The following GRHL2 variants were observed in gnomAD, a reference collection of about 807,000 sequenced individuals.
GRHL2 encodes grainyhead-like protein 2 homolog.
Under a neutral mutation model 83.8 loss-of-function variants are expected in GRHL2, and 21 were observed. The ratio of observed to expected loss-of-function variants is 0.25; its 90% confidence interval spans 0.18 to 0.36. GRHL2 has a LOEUF of 0.36. GRHL2 is among the 10% of genes least tolerant of loss of function. The pLI, the probability that GRHL2 is intolerant of heterozygous loss-of-function variation, is 1.00. For missense variants in GRHL2, 623 were observed against 781.8 expected, an observed-to-expected ratio of 0.80 and a Z score of 2.42; for synonymous variants, 280 against 278.9, an observed-to-expected ratio of 1.00 and a Z score of -0.04.
chr8:101,530,101 C>T (rs892379025), intron 1 of GRHL2, among the ~76,000 whole-genome samples: 2 of 152,156 alleles, frequency 1.3e-5, no homozygotes, highest in Admixed American at 6.5e-5. Context: ...ACTGGCTTAG[C>T]CATAGGCACT....
chr8:101,649,440 G>C lies in GRHL2; in HGVS notation c.1639G>C (p.Asp547His). 1 of 1,614,092 alleles carries C rather than the reference G, an allele frequency of 6.2e-7. No homozygotes were observed. The highest frequency in any genetic ancestry group is 1.3e-5 in the African/African-American group (1 of 75,018). The change falls in exon 14 of 16, where the codon GAC becomes CAC. Residue 547 changes from aspartate (D) to histidine (H), a missense_variant. This residue lies in a region of GRHL2 where 210 missense variants were observed against 254.8 expected (regional missense o/e 0.82). Coordinates refer to ENST00000646743, the MANE Select transcript of GRHL2 (RefSeq NM_024915.4). ...RVLLYVRKET[D>H]DVFDALMLKS... ...GCTCTTGTACGTGAGGAAGGAGACT[G>C]ACGATGTGTTCGATGCATTGATGTT...
At chr8:101,524,197 C>G (rs1007031195) in intron 1 of GRHL2, among the ~76,000 whole-genome samples, 1 of 152,108 alleles carries the variant, frequency 6.6e-6, no homozygotes, top group African/African-American at 2.4e-5. Flanking sequence ...ACAAAATTGT[C>G]TTTTTTCAGA....
At chr8:101,629,389 A>G (rs1019134453) in intron 9 of GRHL2, among the ~76,000 whole-genome samples, 7 of 151,970 alleles carry the variant, frequency 4.6e-5, no homozygotes, top group African/African-American at 1.7e-4. Context: ...TTGATATAGT[A>G]TAGTGCAAAC....
chr8:101,496,954 A>G (rs938186563), intron 1 of GRHL2, among the ~76,000 whole-genome samples: 12 of 152,226 alleles, frequency 7.9e-5, no homozygotes, highest in African/African-American at 9.6e-5. Flanking sequence ...TCAGTTCTCT[A>G]CTTAATAATC....
intron 11 of GRHL2, among the ~76,000 whole-genome samples, chr8:101,636,048 G>T (rs535917269): frequency 6.6e-6 from 1 of 152,228 alleles, no homozygotes; most frequent in African/African-American, 2.4e-5. Flanking sequence ...ACTAACTCAG[G>T]TATTATTCTT....
chr8:101,510,836 T>C (rs1197293774), intron 1 of GRHL2, among the ~76,000 whole-genome samples: 2 of 152,206 alleles, frequency 1.3e-5, no homozygotes, highest in Non-Finnish European at 2.9e-5. Flanking sequence ...GGCTCATACC[T>C]GTAATCCCAG....
chr8:101,523,474 A>C (rs1467257765), intron 1 of GRHL2, among the ~76,000 whole-genome samples: 1 of 33,184 alleles, frequency 3.0e-5, no homozygotes, highest in African/African-American at 1.2e-4. Context: ...ATATCCACTG[A>C]AAGTTTTTTT....
chr8:101,624,575 T>TAGGACAGTACAC (rs1348915997), intron 9 of GRHL2, among the ~76,000 whole-genome samples: 1 of 150,262 alleles, frequency 6.7e-6, no homozygotes, highest in Non-Finnish European at 1.5e-5. Flanking sequence ...CAGTACACAG[T>TAGGACAGTACAC]AGAACAGTTC....
chr8:101,533,197 T>G (rs924620568), intron 1 of GRHL2, among the ~76,000 whole-genome samples: 3 of 152,132 alleles, frequency 2.0e-5, no homozygotes, highest in African/African-American at 7.2e-5. Context: ...ATAGTTCAAA[T>G]TGGATTGATG....
At chr8:101,604,257 G>A (rs2130327235) in intron 8 of GRHL2, among the ~76,000 whole-genome samples, 1 of 152,126 alleles carries the variant, frequency 6.6e-6, no homozygotes, top group East Asian at 1.9e-4. Flanking sequence ...CTAAGATGAG[G>A]AATTCCCACG....
intron 4 of GRHL2, among the ~76,000 whole-genome samples, chr8:101,569,046 G>C (rs942655524): frequency 6.6e-6 from 1 of 152,166 alleles, no homozygotes; most frequent in Admixed American, 6.5e-5. Flanking sequence ...GTCAAAGAAT[G>C]TAAGTTTATT....
chr8:101,508,065 C>T (rs553704696), intron 1 of GRHL2, among the ~76,000 whole-genome samples: 58 of 152,170 alleles, frequency 3.8e-4, no homozygotes, highest in African/African-American at 9.2e-4. Context: ...GGATTACAGG[C>T]GTGAGCCACC....
chr8:101,613,051 G>A (rs2130353377), intron 8 of GRHL2, among the ~76,000 whole-genome samples: 1 of 151,014 alleles, frequency 6.6e-6, no homozygotes. Flanking sequence ...GATGGTCAAG[G>A]CAGGTATTTC....
At chr8:101,663,875 C>G (rs1477332468) in intron 14 of GRHL2, among the ~76,000 whole-genome samples, 2 of 151,440 alleles carry the variant, frequency 1.3e-5, no homozygotes, top group Non-Finnish European at 1.5e-5. Flanking sequence ...AAAATGTTTC[C>G]CAGTGTATTT....
At chr8:101,652,698 T>C (rs1008528831) in intron 14 of GRHL2, among the ~76,000 whole-genome samples, 57 of 151,922 alleles carry the variant, frequency 3.8e-4, no homozygotes, top group African/African-American at 1.4e-3. Context: ...GTTCAAATTC[T>C]GGCTGTGCCT....
chr8:101,592,100 C>CTTTTCT (rs1812296803), intron 7 of GRHL2, among the ~76,000 whole-genome samples: 1 of 90,312 alleles, frequency 1.1e-5, no homozygotes, highest in East Asian at 3.3e-4. Context: ...TCTTTCTTTT[C>CTTTTCT]TTTTTTTTTT....
intron 14 of GRHL2, among the ~76,000 whole-genome samples, chr8:101,650,146 T>C (rs1348868599): frequency 6.6e-6 from 1 of 152,246 alleles, no homozygotes; most frequent in African/African-American, 2.4e-5. Flanking sequence ...TGTTTTTTTA[T>C]AGTGATAGAG....
intron 2 of GRHL2, chr8:101,543,773 T>C (rs7838699): frequency 0.04 from 13,067 of 330,448 alleles, 797 homozygotes; most frequent in East Asian, 0.26. Context: ...CTGAATGAAG[T>C]ATATTACATT....
At chr8:101,680,320 A>G in the GRHL2 span, among the ~76,000 whole-genome samples, 2 of 141,536 alleles carry the variant, frequency 1.4e-5, no homozygotes, top group Non-Finnish European at 3.0e-5. Flanking sequence ...ACATCAAAAG[A>G]GACAAAGAAG....
Sources: gnomAD v4.1 joint callset for allele counts (sites outside exome capture counted in the v4.1 genomes callset) on GRCh38, gnomAD v4.1.1 for gene constraint, gnomAD v4.1.1 regional missense constraint, MANE v1.5 for transcripts, NCBI Gene and HGNC (gene_info 2026-07-23, HGNC 2026-07-21) for gene names.